Variants in VEPH1 observed in about 807,000 individuals in gnomAD.
The protein encoded by VEPH1 is ventricular zone expressed PH domain containing 1, also known as ventricular zone-expressed PH domain-containing protein homolog 1.
In VEPH1, 80 loss-of-function variants were observed where a neutral mutation model predicts 85.2. The ratio of observed to expected loss-of-function variants is 0.94; its 90% confidence interval spans 0.78 to 1.13. VEPH1 has a LOEUF of 1.13. Among genes scored for constraint, VEPH1 ranks in the 50% most tolerant of loss-of-function variants. The pLI, the probability that VEPH1 is intolerant of heterozygous loss-of-function variation, is 0.00. For missense variants in VEPH1, 955 were observed against 980.5 expected, an observed-to-expected ratio of 0.97 and a Z score of 0.35; for synonymous variants, 297 against 348.0, an observed-to-expected ratio of 0.85 and a Z score of 1.63.
chr3:157,358,240 T>C (rs1391094435), intron 9 of VEPH1, among the ~76,000 whole-genome samples: 1 of 152,064 alleles, frequency 6.6e-6, no homozygotes, highest in Non-Finnish European at 1.5e-5. Context: ...TTTGGAGAGG[T>C]GGGAGCAGGT....
chr3:157,355,944 G>A (rs1400416353), intron 9 of VEPH1, among the ~76,000 whole-genome samples: 1 of 148,036 alleles, frequency 6.8e-6, no homozygotes, highest in African/African-American at 2.5e-5. Context: ...TTGTCACCCA[G>A]GCTGAAGGGC....
At chr3:157,268,287 G>A (rs1210550369) in intron 12 of VEPH1, among the ~76,000 whole-genome samples, 2 of 152,092 alleles carry the variant, frequency 1.3e-5, no homozygotes, top group African/African-American at 4.8e-5. Context: ...AGTGCCTGCC[G>A]GGCTAGAGCC....
At chr3:157,283,854 C>G (rs1284106998) in intron 12 of VEPH1, among the ~76,000 whole-genome samples, 2 of 151,898 alleles carry the variant, frequency 1.3e-5, no homozygotes, top group African/African-American at 4.8e-5. Context: ...TATCAAAAAC[C>G]CAGTTTATTT....
intron 11 of VEPH1, among the ~76,000 whole-genome samples, chr3:157,286,972 C>T (rs1235825921): frequency 1.3e-5 from 2 of 152,158 alleles, no homozygotes; most frequent in African/African-American, 4.8e-5. Context: ...CTAGCAGTGG[C>T]TCCAGATTTT....
chr3:157,423,379 G>A (rs1181064288), intron 5 of VEPH1, among the ~76,000 whole-genome samples: 1 of 152,162 alleles, frequency 6.6e-6, no homozygotes, highest in Admixed American at 6.5e-5. Flanking sequence ...AGCACCATAT[G>A]GGTATTTGTA....
intron 12 of VEPH1, among the ~76,000 whole-genome samples, chr3:157,280,014 C>CA (rs369384376): frequency 0.24 from 26,051 of 109,906 alleles, 3,591 homozygotes; most frequent in Admixed American, 0.42. Flanking sequence ...GACTCTGTTT[C>CA]AAAAAAAAAA....
chr3:157,281,099 T>TGTGAGAGAGA (rs756392278), intron 12 of VEPH1, among the ~76,000 whole-genome samples: 70 of 135,560 alleles, frequency 5.2e-4, no homozygotes, highest in Non-Finnish European at 9.7e-4. Flanking sequence ...TGTGTGTGTG[T>TGTGAGAGAGA]GTGAGAGAGA....
chr3:157,460,044 T>G, intron 4 of VEPH1, 137 bp downstream of exon 4: 1 of 1,583,110 alleles, frequency 6.3e-7, no homozygotes, highest in South Asian at 1.1e-5. Context: ...TGTTCACAGG[T>G]CAACTGGCAG....
intron 4 of VEPH1, among the ~76,000 whole-genome samples, chr3:157,457,685 G>A (rs1347975769): frequency 2.6e-5 from 4 of 152,208 alleles, no homozygotes; most frequent in Non-Finnish European, 5.9e-5. Context: ...ATTTGCATAT[G>A]TTCAACCAAC....
chr3:157,489,184 A>G, intron 2 of VEPH1: 1 of 456,482 alleles, frequency 2.2e-6, no homozygotes, highest in Non-Finnish European at 4.4e-6. Flanking sequence ...AGGAATAGAA[A>G]AATTAGACCA....
At chr3:157,437,728 G>T in intron 4 of VEPH1, 1 of 1,514,168 alleles carries the variant, frequency 6.6e-7, no homozygotes, top group Non-Finnish European at 8.8e-7. Context: ...GCTGACCAGT[G>T]CTCTGGACGA....
At chr3:157,364,991 A>C (rs1042981013) in intron 7 of VEPH1, among the ~76,000 whole-genome samples, 8 of 152,240 alleles carry the variant, frequency 5.3e-5, no homozygotes, top group African/African-American at 1.9e-4. Context: ...AAGGAGAAAT[A>C]TCTTTCTGAA....
chr3:157,290,966 C>T (rs987760811), intron 11 of VEPH1, among the ~76,000 whole-genome samples: 1 of 152,134 alleles, frequency 6.6e-6, no homozygotes, highest in Non-Finnish European at 1.5e-5. Context: ...GCATAGTGGC[C>T]TCTGGATTTT....
At chr3:157,277,403 G>A (rs1386356823) in intron 12 of VEPH1, among the ~76,000 whole-genome samples, 1 of 152,170 alleles carries the variant, frequency 6.6e-6, no homozygotes, top group Admixed American at 6.5e-5. Context: ...GATCTGACAA[G>A]CTTGTGCCCC....
At chr3:157,275,969 CTGAG>C (rs1238516864) in intron 12 of VEPH1, among the ~76,000 whole-genome samples, 1 of 152,128 alleles carries the variant, frequency 6.6e-6, no homozygotes, top group East Asian at 1.9e-4. Flanking sequence ...ATTTACTAGA[CTGAG>C]TGTCTGTGGT....
chr3:157,277,940 T>C (rs1221447937), intron 12 of VEPH1, among the ~76,000 whole-genome samples: 1 of 152,234 alleles, frequency 6.6e-6, no homozygotes, highest in African/African-American at 2.4e-5. Context: ...CTGTTTTTTG[T>C]CATCACTTGA....
At chr3:157,390,452 C>T (rs1273327333) in intron 6 of VEPH1, among the ~76,000 whole-genome samples, 1 of 152,116 alleles carries the variant, frequency 6.6e-6, no homozygotes, top group Non-Finnish European at 1.5e-5. Context: ...GATATTGAAA[C>T]TTGTTTTATT....
At chr3:157,416,322 TAGAG>T (rs948072496) in intron 5 of VEPH1, among the ~76,000 whole-genome samples, 28 of 152,142 alleles carry the variant, frequency 1.8e-4, no homozygotes, top group African/African-American at 6.5e-4. Context: ...TTATCCTATA[TAGAG>T]ATTTAAACTT....
At chr3:157,387,897 AG>A (rs1330730463) in intron 6 of VEPH1, among the ~76,000 whole-genome samples, 1 of 152,206 alleles carries the variant, frequency 6.6e-6, no homozygotes, top group Non-Finnish European at 1.5e-5. Context: ...GTCTATGTGG[AG>A]TCCTAAATCT....
Sources: allele counts gnomAD v4.1 joint callset (sites outside exome capture counted in the v4.1 genomes callset), GRCh38; gene constraint gnomAD v4.1.1; transcripts MANE v1.5; gene names NCBI Gene and HGNC (gene_info 2026-07-23, HGNC 2026-07-21).